The following KCNAB2 variants were observed in gnomAD, a reference collection of about 807,000 sequenced individuals.
The protein encoded by KCNAB2 is voltage-gated potassium channel subunit beta-2.
KCNAB2 carries 29 observed loss-of-function variants against 63.6 expected under a neutral mutation model. The observed-to-expected ratio is 0.46, with a 90% CI of 0.34 to 0.62. KCNAB2 has a LOEUF of 0.62. Ranked by LOEUF, KCNAB2 falls within the 20% of genes least tolerant of loss-of-function variation. KCNAB2 has a pLI of 0.01. For missense variants in KCNAB2, 359 were observed against 563.9 expected (o/e 0.64, Z 3.68); for synonymous variants, 222 against 224.2 (o/e 0.99, Z 0.09).
At chr1:6,077,742 C>T (rs1197015323) in intron 4 of KCNAB2, among the ~76,000 whole-genome samples, 1 of 152,152 alleles carries the variant, frequency 6.6e-6, no homozygotes, top group Non-Finnish European at 1.5e-5. Flanking sequence ...CATCCGGGGC[C>T]CCGCCTCAGG....
chr1:6,054,219 A>G (rs1661621629), intron 2 of KCNAB2, among the ~76,000 whole-genome samples: 1 of 152,082 alleles, frequency 6.6e-6, no homozygotes, highest in African/African-American at 2.4e-5. Flanking sequence ...TGACGGGTCC[A>G]CAACCCAAGG....
intron 1 of KCNAB2, among the ~76,000 whole-genome samples, chr1:6,036,862 A>C (rs1416021482): frequency 1.3e-5 from 2 of 152,302 alleles, no homozygotes; most frequent in Non-Finnish European, 1.5e-5. Context: ...GATGCCGTAG[A>C]GCAGGTGCCC....
chr1:6,073,667 G>A lies in KCNAB2; in HGVS notation c.263-66G>A. The A allele has an allele frequency of 4.6e-6, 7 of 1,520,644 alleles. No homozygotes were observed. In the South Asian group the frequency reaches 7.8e-5, roughly 17 times the overall value. 94.2% of individuals were successfully genotyped at this position (1,520,644 alleles called of 1,614,324 possible). A position where few individuals can be genotyped will look rare whatever the true frequency, so the allele number is the denominator to read the frequency against. The stretch of plus-strand genomic sequence containing the variant: ...CCCTGTGCCCTACAGCCTGAGGTCT[G>A]AGCACCGACGGGATAATCTGGCTTC... On this transcript the variant is annotated intron_variant, in intron 3 of 15. Coordinates refer to ENST00000378083, the MANE Select transcript of KCNAB2 (RefSeq NM_001199862.2). This position sits in a 1 kb window ranked among gnomAD's most constrained non-coding sequence, Gnocchi z 5.7.
intron 15 of KCNAB2, 83 bp downstream of exon 15, chr1:6,097,440 T>C: frequency 6.5e-7 from 1 of 1,544,026 alleles, no homozygotes; most frequent in Non-Finnish European, 8.7e-7. Context: ...TCGTCCTGCG[T>C]GCCAGGCTCT....
In KCNAB2 at chr1:6,098,782, G is replaced by A; in HGVS notation, c.*208G>A. 1.7e-6 allele frequency: 1 copy of A among 601,022 alleles called. No individual in the cohort carries two copies. The highest frequency in any genetic ancestry group is 2.0e-5 in the South Asian group (1 of 49,540). The allele number at this position is 601,022 out of a possible 1,614,324, so 37.2% of individuals were successfully genotyped here. On this transcript the variant is annotated 3_prime_UTR_variant, in exon 16 of 16. Coordinates refer to ENST00000378083, the MANE Select transcript of KCNAB2 (RefSeq NM_001199862.2). ...AATGTCGAAGTCCAGTCTGTGCCGGGGAAGGCACTGGTTAGGAAGGATGTT... is the reference window on the plus strand; with the variant it reads ...AATGTCGAAGTCCAGTCTGTGCCGGAGAAGGCACTGGTTAGGAAGGATGTT...
chr1:6,005,876 ATGTTCTGATCCAT>A (rs1657643327), intron 1 of KCNAB2, among the ~76,000 whole-genome samples: 1 of 151,240 alleles, frequency 6.6e-6, no homozygotes, highest in South Asian at 2.1e-4. Flanking sequence ...CTCTGTTCTG[ATGTTCTGATCCAT>A]TCCACCCTCA....
chr1:6,029,629 C>A (rs545896572), upstream of KCNAB2, among the ~76,000 whole-genome samples: 9 of 152,346 alleles, frequency 5.9e-5, no homozygotes, highest in South Asian at 1.9e-3. Flanking sequence ...CCGCTGCACA[C>A]CCCTACCTGT....
intron 11 of KCNAB2, 52 bp from the exon 12 acceptor site, chr1:6,095,271 C>T (rs1571107604): frequency 6.5e-7 from 1 of 1,550,144 alleles, no homozygotes; most frequent in Non-Finnish European, 8.7e-7. Context: ...CCCCGGCAGC[C>T]TCCCGCCTGC....
intron 1 of KCNAB2, among the ~76,000 whole-genome samples, chr1:6,000,138 T>C (rs553370377): frequency 6.6e-6 from 1 of 152,280 alleles, no homozygotes; most frequent in South Asian, 2.1e-4. Flanking sequence ...TCTGTCTAGA[T>C]AGATCCTGCA....
At chr1:6,017,865 T>C (rs1658604384) in intron 1 of KCNAB2, among the ~76,000 whole-genome samples, 1 of 151,594 alleles carries the variant, frequency 6.6e-6, no homozygotes, top group Admixed American at 6.6e-5. Flanking sequence ...AGGCGTGGCC[T>C]AAAAGGCTGT....
At chr1:5,999,689 C>G (rs1657126905) in intron 1 of KCNAB2, among the ~76,000 whole-genome samples, 1 of 152,082 alleles carries the variant, frequency 6.6e-6, no homozygotes, top group Non-Finnish European at 1.5e-5. Flanking sequence ...GGCCCGAGTG[C>G]TTGCCCACGG....
upstream of KCNAB2, among the ~76,000 whole-genome samples, chr1:6,030,399 A>G (rs1659500850): frequency 6.6e-6 from 1 of 152,154 alleles, no homozygotes. Flanking sequence ...TGGCCAAAGC[A>G]AGTCACATGG....
chr1:6,088,703 AAATAATAATAAT>A (rs3040477), intron 7 of KCNAB2, among the ~76,000 whole-genome samples: 33 of 142,490 alleles, frequency 2.3e-4, no homozygotes, highest in Admixed American at 2.3e-3. Flanking sequence ...TTAATTTAAA[AAATAATAATAAT>A]AATAATAATA....
At chr1:6,016,711 G>A (rs1658522627) in intron 1 of KCNAB2, among the ~76,000 whole-genome samples, 1 of 152,226 alleles carries the variant, frequency 6.6e-6, no homozygotes, top group Non-Finnish European at 1.5e-5. Flanking sequence ...ACACTGCAGT[G>A]ACGCTATGGA....
In KCNAB2 at chr1:6,096,479, A is replaced by G. The variant is rs1007586961; in HGVS notation, c.949-157A>G. ...CACTGCCCACTCTCCCCTACTTGAG[A>G]GGCCTGGGGCAGGGGCACTGCCCTG... On this transcript the variant is annotated intron_variant, in intron 13 of 15. Coordinates refer to ENST00000378083, the MANE Select transcript of KCNAB2 (RefSeq NM_001199862.2). The surrounding 1 kb of genome is among the most constrained non-coding windows in gnomAD (Gnocchi z 5.9). The G allele has an allele frequency of 3.2e-5, 32 of 997,824 alleles. No homozygotes were observed. Among genetic ancestry groups the G allele is most frequent in the Non-Finnish European group, 4.6e-5 (32 of 691,616 alleles). The allele number at this position is 997,824 out of a possible 1,614,324, so 61.8% of individuals were successfully genotyped here. A position where few individuals can be genotyped will look rare whatever the true frequency, so the allele number is the denominator to read the frequency against.
At chr1:6,098,199 T>G (rs1402143179) in intron 15 of KCNAB2, 5 of 1,166,574 alleles carry the variant, frequency 4.3e-6, no homozygotes, top group Non-Finnish European at 1.1e-6. Context: ...GCATTTGGCC[T>G]GGAGTTTCCA....
rs1665090351 is a variant in KCNAB2 at position 6,090,452 on chromosome 1, C to T, written c.578C>T (p.Pro193Leu). 5.0e-6 allele frequency: 8 copies of T among 1,613,756 alleles called. No individual in the cohort carries two copies. The highest frequency in any genetic ancestry group is 2.2e-5 in the East Asian group (1 of 44,876). ...EYVDVVFANR[P>L]DPNTPMEGDP... ...GTGGATGTGGTGTTTGCCAACCGCC[C>T]GGACCCCAACACCCCGATGGAAGGT... The change falls in exon 9 of 16, where the codon CCG (proline) becomes CTG (leucine). Residue 193 changes from proline (P) to leucine (L), a missense_variant. Physicochemically the swap from Pro to Leu is moderately conservative, Grantham distance 98. Around this residue, in one of 2 missense-constraint regions of KCNAB2, gnomAD observed 271 missense variants for 476.1 expected, o/e 0.57. Coordinates refer to ENST00000378083, the MANE Select transcript of KCNAB2 (RefSeq NM_001199862.2).
rs953498262 is a variant in KCNAB2, at chr1:6,051,573, G to A, written c.37G>A (p.Val13Met). ...SMTYSESLRS[V>M]SSRCHSEWAL... is the part of the protein sequence containing the mutation. ...GACGTACAGCGAGAGTCTGCGGAGCGTGAGCAGCAGGTGCCACTCTGAATG... is the reference window on the plus strand; with the variant it reads ...GACGTACAGCGAGAGTCTGCGGAGCATGAGCAGCAGGTGCCACTCTGAATG... The change falls in exon 2 of 16, where the codon GTG (valine) becomes ATG (methionine). Residue 13 changes from valine (V) to methionine (M), a missense_variant. By Grantham distance (21) the Val-to-Met change is conservative. Transcript: ENST00000378083. The A allele has an allele frequency of 1.0e-4, 159 of 1,534,044 alleles. No homozygotes were observed. Among genetic ancestry groups the A allele is most frequent in the South Asian group, 1.4e-4 (12 of 83,954 alleles).
chr1:6,063,091 A>G (rs946070053), intron 2 of KCNAB2, among the ~76,000 whole-genome samples: 16 of 151,470 alleles, frequency 1.1e-4, no homozygotes, highest in Non-Finnish European at 8.8e-5. Context: ...CAGTAGCGCA[A>G]CCTCGGCTTA....
Sources: allele counts gnomAD v4.1 joint callset (sites outside exome capture counted in the v4.1 genomes callset), GRCh38; gene constraint gnomAD v4.1.1; regional missense constraint gnomAD v4.1.1; non-coding constraint Gnocchi (gnomAD v3.1); transcripts MANE v1.5; gene names NCBI Gene and HGNC (gene_info 2026-07-23, HGNC 2026-07-21).